CNOT6: variants seen among roughly 807,000 people sequenced by gnomAD.
CNOT6 encodes the protein CCR4-NOT transcription complex subunit 6.
CNOT6 carries 12 observed loss-of-function variants against 61.2 expected under a neutral mutation model. The ratio of observed to expected loss-of-function variants is 0.20; its 90% CI spans 0.13 to 0.32. The LOEUF (loss-of-function observed/expected upper bound fraction) is 0.32. Among genes scored for constraint, CNOT6 ranks in the 10% least tolerant of loss-of-function variants. The pLI, the probability that CNOT6 is intolerant of heterozygous loss-of-function variation, is 1.00. For synonymous variants in CNOT6, 225 were observed against 240.6 expected (o/e 0.94, Z 0.60); for missense variants, 405 against 663.9 (o/e 0.61, Z 4.28).
intron 1 of CNOT6, among the ~76,000 whole-genome samples, chr5:180,495,918 T>C (rs914940469): frequency 2.6e-5 from 4 of 152,192 alleles, no homozygotes; most frequent in Non-Finnish European, 5.9e-5. Context: ...ATTTAATTTA[T>C]TTATTGTTTT....
chr5:180,508,842 TGA>T (rs1757254779), intron 1 of CNOT6, among the ~76,000 whole-genome samples: 1 of 150,424 alleles, frequency 6.6e-6, no homozygotes, highest in Non-Finnish European at 1.5e-5. Flanking sequence ...TATTTTTTTT[TGA>T]GAGGGAGTCT....
At chr5:180,520,077 G>T (rs1348115221) in intron 1 of CNOT6, among the ~76,000 whole-genome samples, 1 of 151,918 alleles carries the variant, frequency 6.6e-6, no homozygotes, top group Non-Finnish European at 1.5e-5. Context: ...CAAGTGATCT[G>T]CCTGCCTCTG....
intron 1 of CNOT6, among the ~76,000 whole-genome samples, chr5:180,502,303 A>G (rs1177481753): frequency 2.6e-5 from 4 of 152,222 alleles, no homozygotes; most frequent in Non-Finnish European, 2.9e-5. Flanking sequence ...ACTCTTTCTC[A>G]TTAGCGATAG....
chr5:180,558,445 G>A (rs566703042), intron 4 of CNOT6, among the ~76,000 whole-genome samples: 4 of 151,490 alleles, frequency 2.6e-5, no homozygotes, highest in South Asian at 4.2e-4. Flanking sequence ...CTAAAGCCGC[G>A]GCCTGGTATC....
chr5:180,529,437 G>A, intron 2 of CNOT6, 49 bp downstream of exon 2: 2 of 1,093,228 alleles, frequency 1.8e-6, no homozygotes, highest in Non-Finnish European at 2.8e-6. Flanking sequence ...AGATATGGTA[G>A]TAAACTGAGT....
intron 4 of CNOT6, among the ~76,000 whole-genome samples, chr5:180,560,768 C>A (rs141701854): frequency 0.015 from 2,206 of 152,116 alleles, 24 homozygotes; most frequent in Middle Eastern, 0.034. Context: ...ATATTTATTG[C>A]CATATTGTGA....
intron 1 of CNOT6, among the ~76,000 whole-genome samples, chr5:180,517,069 A>G (rs1757667639): frequency 6.6e-6 from 1 of 152,234 alleles, no homozygotes. Flanking sequence ...TAATCTATGT[A>G]GAATCTGTGT....
intron 2 of CNOT6, among the ~76,000 whole-genome samples, chr5:180,531,764 C>T (rs1428026722): frequency 6.6e-6 from 1 of 152,242 alleles, no homozygotes; most frequent in Non-Finnish European, 1.5e-5. Flanking sequence ...AGGCAGATCA[C>T]TCGGGGTCAG....
At chr5:180,551,107 GC>G (rs1358206069) in intron 3 of CNOT6, among the ~76,000 whole-genome samples, 1 of 152,016 alleles carries the variant, frequency 6.6e-6, no homozygotes, top group Non-Finnish European at 1.5e-5. Flanking sequence ...ACTTTGAGTG[GC>G]TGAGGCGGGC....
At chr5:180,497,414 C>T (rs568503070) in intron 1 of CNOT6, among the ~76,000 whole-genome samples, 85 of 151,152 alleles carry the variant, frequency 5.6e-4, no homozygotes, top group Middle Eastern at 3.5e-3. Context: ...AAATGATAAA[C>T]CTTTTTCATA....
At chr5:180,558,724 T>C (rs920805669) in intron 4 of CNOT6, among the ~76,000 whole-genome samples, 1 of 152,106 alleles carries the variant, frequency 6.6e-6, no homozygotes, top group Non-Finnish European at 1.5e-5. Flanking sequence ...GTAGAAATTT[T>C]CCTCCCAACC....
intron 1 of CNOT6, among the ~76,000 whole-genome samples, chr5:180,524,814 A>G (rs1387022796): frequency 6.6e-6 from 1 of 152,248 alleles, no homozygotes; most frequent in Non-Finnish European, 1.5e-5. Flanking sequence ...AGCTGGTCAG[A>G]GCAATTTCTT....
Position 180,571,214 on chromosome 5 carries a change from T to A in CNOT6, c.1259-16T>A, listed in dbSNP as rs550690746. The A allele has an allele frequency of 1.5e-5, 24 of 1,575,902 alleles. No individual in the cohort carries two copies. Among genetic ancestry groups the A allele is most frequent in the African/African-American group, 6.8e-5 (5 of 73,840 alleles). On this transcript the variant is annotated splice_polypyrimidine_tract_variant and intron_variant, in intron 10 of 11. Transcript: ENST00000261951. ...TTGTATATATTTGACAATAAAAAAA[T>A]TTGTCTTCATTGTAGGTGTTGTAGA...
At chr5:180,514,386 C>T (rs1377680167) in intron 1 of CNOT6, among the ~76,000 whole-genome samples, 2 of 152,210 alleles carry the variant, frequency 1.3e-5, no homozygotes. Context: ...AGCGCCACTG[C>T]ACTCCAGCCT....
chr5:180,526,199 T>C (rs1392582964), intron 1 of CNOT6, among the ~76,000 whole-genome samples: 1 of 149,902 alleles, frequency 6.7e-6, no homozygotes. Flanking sequence ...ACACAATTCC[T>C]GAGGATTGTT....
chr5:180,546,804 A>G (rs1273822947), intron 2 of CNOT6, among the ~76,000 whole-genome samples: 2 of 152,192 alleles, frequency 1.3e-5, no homozygotes, highest in African/African-American at 4.8e-5. Context: ...CACCTTTTCT[A>G]TACAGGTTGA....
intron 2 of CNOT6, among the ~76,000 whole-genome samples, chr5:180,531,335 A>G (rs1758362192): frequency 6.6e-6 from 1 of 150,536 alleles, no homozygotes; most frequent in Admixed American, 6.6e-5. Flanking sequence ...GACACTCCTC[A>G]GTTCCCAGAC....
chr5:180,549,870 T>C, intron 2 of CNOT6, 61 bp from the exon 3 acceptor site: 1 of 1,261,520 alleles, frequency 7.9e-7, no homozygotes, highest in Non-Finnish European at 1.1e-6. Context: ...CTTACTGAAA[T>C]CTACAGAACA....
In CNOT6 at chr5:180,549,935, A is replaced by T. The variant is rs1240575074; in HGVS notation, c.117A>T (p.Lys39Asn). ...SHWAELEISG[K>N]VRSLSASLWS... ...CTGTATTTTTTTCTCTTACAGGAAA[A>T]GTAAGAAGCTTAAGCGCATCTTTGT... Residue 39 changes from lysine (K) to asparagine (N), a missense_variant, in exon 3 of 12, where the codon AAA becomes AAT. Coordinates refer to ENST00000261951, the MANE Select transcript of CNOT6 (RefSeq NM_001370472.1). 1 of 1,602,078 alleles carries T rather than the reference A, an allele frequency of 6.2e-7. No individual in the cohort carries two copies. The highest frequency in any genetic ancestry group is 8.5e-7 in the Non-Finnish European group (1 of 1,171,788).
Sources: gnomAD v4.1 joint callset for allele counts (sites outside exome capture counted in the v4.1 genomes callset) on GRCh38, gnomAD v4.1.1 for gene constraint, MANE v1.5 for transcripts, NCBI Gene and HGNC (gene_info 2026-07-23, HGNC 2026-07-21) for gene names.